The following VPS53 variants were observed in gnomAD, a reference collection of about 807,000 sequenced individuals.
The protein encoded by VPS53 is VPS53 subunit of GARP complex, also known as vacuolar protein sorting-associated protein 53 homolog.
VPS53 carries 70 observed loss-of-function variants against 107.0 expected under a neutral mutation model. The ratio of observed to expected loss-of-function variants is 0.65; its 90% CI spans 0.54 to 0.80. VPS53 has a LOEUF of 0.80. Among genes scored for constraint, VPS53 ranks in the 30% least tolerant of loss-of-function variants. VPS53 has a pLI of 0.00. For missense variants in VPS53, 917 were observed against 1,049.4 expected, an observed-to-expected ratio of 0.87 and a Z score of 1.74; for synonymous variants, 409 against 393.3, an observed-to-expected ratio of 1.04 and a Z score of -0.47.
intron 19 of VPS53, among the ~76,000 whole-genome samples, chr17:529,386 ACACACACACACT>A (rs907790131): frequency 8.9e-6 from 1 of 112,502 alleles, no homozygotes; most frequent in African/African-American, 4.1e-5. Context: ...ATATCAATTC[ACACACACACACT>A]CACACACACA....
At chr17:684,713 G>A (rs145500594) in intron 4 of VPS53, among the ~76,000 whole-genome samples, 2,566 of 152,168 alleles carry the variant, frequency 0.017, 41 homozygotes, top group Non-Finnish European at 0.028. Context: ...TTGGCCGGGC[G>A]CGGTGGCTCA....
In VPS53 at chr17:551,918, T is replaced by C. The variant is rs1457027200; in HGVS notation, c.1820A>G (p.Gln607Arg). 1 of 1,604,814 alleles carries C rather than the reference T, an allele frequency of 6.2e-7. No individual in the cohort carries two copies. The highest frequency in any genetic ancestry group is 1.7e-5 in the Admixed American group (1 of 59,126). The change falls in exon 17 of 22, where the codon CAG becomes CGG. Residue 607 changes from glutamine (Q) to arginine (R), a missense_variant. Gln to Arg is a conservative substitution (Grantham distance 43, BLOSUM62 1). Coordinates refer to ENST00000437048, the MANE Select transcript of VPS53 (RefSeq NM_001128159.3). The part of the protein sequence containing the change: ...VISSSIQLLV[Q>R]DLDAACDPAL... ...AGGATCACAGGCAGCATCCAGATCC[T>C]GAACCAGCAGCTGAATACTGCTGGA... is the stretch of plus-strand genomic sequence containing the variant.
intron 13 of VPS53, among the ~76,000 whole-genome samples, chr17:575,074 CT>C (rs1914486600): frequency 6.6e-6 from 1 of 152,198 alleles, no homozygotes; most frequent in African/African-American, 2.4e-5. Context: ...AAGGGCACTA[CT>C]GGGTCTTTGC....
intron 13 of VPS53, among the ~76,000 whole-genome samples, chr17:585,518 T>C (rs765271338): frequency 1.1e-4 from 17 of 152,140 alleles, no homozygotes; most frequent in Non-Finnish European, 2.2e-4. Flanking sequence ...GGCATGTGCC[T>C]GTGGTCCCAG....
intron 5 of VPS53, chr17:656,660 A>G: frequency 1.8e-6 from 1 of 553,146 alleles, no homozygotes; most frequent in Non-Finnish European, 3.2e-6. Flanking sequence ...CACCCAGGTG[A>G]AATCATCCAC....
intron 19 of VPS53, among the ~76,000 whole-genome samples, chr17:530,531 G>C (rs1015353008): frequency 1.3e-5 from 2 of 152,172 alleles, no homozygotes; most frequent in African/African-American, 4.8e-5. Flanking sequence ...CATGAAAAAT[G>C]ACAGCTTAGT....
intron 12 of VPS53, among the ~76,000 whole-genome samples, chr17:590,814 A>C (rs1327745371): frequency 6.8e-6 from 1 of 147,816 alleles, no homozygotes; most frequent in Non-Finnish European, 1.5e-5. Flanking sequence ...ATCAATGTTC[A>C]TCAAGGATAT....
At chr17:663,635 G>A (rs1466134603) in intron 4 of VPS53, among the ~76,000 whole-genome samples, 1 of 152,172 alleles carries the variant, frequency 6.6e-6, no homozygotes. Flanking sequence ...GTGTCAGCAG[G>A]CCACGGATGT....
At chr17:593,990 T>C (rs76257494) in intron 12 of VPS53, among the ~76,000 whole-genome samples, 21,980 of 152,288 alleles carry the variant, frequency 0.14, 1,963 homozygotes, top group South Asian at 0.24. Context: ...TAAAAAATGA[T>C]GAGTTCGCGT....
At chr17:619,529 C>T (rs1402922099) in intron 11 of VPS53, among the ~76,000 whole-genome samples, 5 of 139,746 alleles carry the variant, frequency 3.6e-5, no homozygotes, top group Non-Finnish European at 6.2e-5. Context: ...CACCACCACA[C>T]CCCGCTAATA....
At chr17:652,639 G>T (rs1268089367) in intron 7 of VPS53, among the ~76,000 whole-genome samples, 1 of 152,220 alleles carries the variant, frequency 6.6e-6, no homozygotes, top group Non-Finnish European at 1.5e-5. Context: ...GCATTCTCCA[G>T]TCCCCTCCTG....
intron 15 of VPS53, among the ~76,000 whole-genome samples, chr17:556,242 C>T (rs753012293): frequency 6.6e-5 from 10 of 152,068 alleles, no homozygotes; most frequent in African/African-American, 9.7e-5. Context: ...ATCAAACCAC[C>T]GCACTCCAGC....
Position 532,893 on chromosome 17 carries a change from G to T in VPS53, c.2034C>A (p.Phe678Leu). The change falls in exon 19 of 22, where the codon TTC becomes TTA. Residue 678 changes from phenylalanine (F) to leucine (L), a missense_variant. Transcript: ENST00000437048. ...VKFANSFIPK[F>L]ITHLFKCKPI... ...GCTTGCACTTGAAGAGGTGGGTGAT[G>T]AATTTGGGAATGAAGGAGCTGTGGA... is the stretch of plus-strand genomic sequence containing the variant. 6.2e-7 allele frequency: 1 copy of T among 1,613,936 alleles called. No individual in the cohort carries two copies. The highest frequency in any genetic ancestry group is 8.5e-7 in the Non-Finnish European group (1 of 1,179,910).
intron 11 of VPS53, among the ~76,000 whole-genome samples, chr17:617,278 G>A (rs1205551964): frequency 6.6e-6 from 1 of 152,214 alleles, no homozygotes; most frequent in Non-Finnish European, 1.5e-5. Flanking sequence ...AAACCAGGCA[G>A]GAGCATGGCT....
At chr17:537,219 A>G in intron 17 of VPS53, 43 bp from the exon 18 acceptor site, 2 of 1,605,686 alleles carry the variant, frequency 1.2e-6, no homozygotes, top group Non-Finnish European at 1.7e-6. Context: ...CTCGCAGGAG[A>G]ACGGTGTCGC....
intron 13 of VPS53, among the ~76,000 whole-genome samples, chr17:577,139 C>T (rs765609783): frequency 6.7e-6 from 1 of 149,814 alleles, no homozygotes; most frequent in Non-Finnish European, 1.5e-5. Context: ...AGACCTAATG[C>T]TTTCCCAGAA....
chr17:642,611 T>TGGGGACAACACTCATACTTGGAAAGC (rs1970472607), intron 7 of VPS53, among the ~76,000 whole-genome samples: 1 of 110,570 alleles, frequency 9.0e-6, no homozygotes, highest in Non-Finnish European at 1.8e-5. Context: ...ACTTGGCAAC[T>TGGGGACAACACTCATACTTGGAAAGC]GGGGACAACA....
chr17:711,777 C>T (rs1186015283), intron 1 of VPS53, among the ~76,000 whole-genome samples: 1 of 151,550 alleles, frequency 6.6e-6, no homozygotes, highest in African/African-American at 2.4e-5. Context: ...ACTAACAGCC[C>T]TAGACTTATC....
At chr17:624,242 T>C (rs757114902) in intron 10 of VPS53, among the ~76,000 whole-genome samples, 20 of 152,278 alleles carry the variant, frequency 1.3e-4, no homozygotes, top group Admixed American at 5.9e-4. Context: ...TTTTTATTAG[T>C]GTATATAGCC....
Sources: gnomAD v4.1 joint callset for allele counts (sites outside exome capture counted in the v4.1 genomes callset) on GRCh38, gnomAD v4.1.1 for gene constraint, MANE v1.5 for transcripts, NCBI Gene and HGNC (gene_info 2026-07-23, HGNC 2026-07-21) for gene names.